Variants in ITPRID1 observed in about 807,000 individuals in gnomAD.
The protein encoded by ITPRID1 is protein ITPRID1.
A neutral mutation model predicts 95.4 loss-of-function variants in ITPRID1; 96 were observed. That is an observed-to-expected ratio of 1.01 (90% confidence interval 0.85 to 1.19). The LOEUF is 1.19. Ranked by LOEUF, ITPRID1 falls within the 50% of genes most tolerant of loss-of-function variation. The probability of loss-of-function intolerance (pLI) is 0.00; values close to 1 mark genes in which losing one functional copy is unlikely to be tolerated. For synonymous variants in ITPRID1, 510 were observed against 453.6 expected (o/e 1.12, Z -1.58); for missense variants, 1,339 against 1,252.9 (o/e 1.07, Z -1.04).
Position 31,643,195 on chromosome 7 carries a change from T to G in ITPRID1, c.1825T>G (p.Phe609Val), listed in dbSNP as rs1177550151. 4 of 1,613,720 alleles carry G rather than the reference T, an allele frequency of 2.5e-6. No individual in the cohort carries two copies. The East Asian group carries it at 8.9e-5, about 36-fold the overall frequency. The part of the protein sequence containing the change: ...SPGNDHTQDK[F>V]LHVDSEAPRE... ...TGGAAATGATCATACTCAAGACAAG[T>G]TCCTTCATGTTGACTCTGAGGCCCC... The change falls in exon 12 of 15, where the codon TTC (phenylalanine) becomes GTC (valine). Residue 609 changes from phenylalanine (F) to valine (V), a missense_variant. Coordinates refer to ENST00000615280, the MANE Select transcript of ITPRID1 (RefSeq NM_001257967.3).
intron 10 of ITPRID1, among the ~76,000 whole-genome samples, chr7:31,625,863 TTAAAA>T (rs1486557420): frequency 3.9e-5 from 6 of 152,220 alleles, no homozygotes; most frequent in African/African-American, 9.6e-5. Context: ...TTATAAATGC[TTAAAA>T]TAAAGTGATC....
intron 10 of ITPRID1, among the ~76,000 whole-genome samples, chr7:31,595,700 A>G (rs903318724): frequency 6.6e-6 from 1 of 152,156 alleles, no homozygotes; most frequent in Non-Finnish European, 1.5e-5. Context: ...TTGCCTAAAG[A>G]GGTCATCATT....
chr7:31,550,588 G>A (rs904260272), intron 2 of ITPRID1, among the ~76,000 whole-genome samples: 1 of 152,142 alleles, frequency 6.6e-6, no homozygotes, highest in African/African-American at 2.4e-5. Context: ...GGCCATTCAA[G>A]CTTTAGAAAA....
At chr7:31,602,657 C>T (rs572962344) in intron 10 of ITPRID1, among the ~76,000 whole-genome samples, 49 of 152,198 alleles carry the variant, frequency 3.2e-4, no homozygotes, top group African/African-American at 1.2e-3. Flanking sequence ...GGGTAGTCGC[C>T]ATCGGGGTGA....
chr7:31,578,819 TCTC>T (rs1785292953), intron 9 of ITPRID1, among the ~76,000 whole-genome samples: 2 of 152,178 alleles, frequency 1.3e-5, no homozygotes, highest in Non-Finnish European at 2.9e-5. Context: ...CTTAACCACT[TCTC>T]CTCTGTGTTC....
chr7:31,514,761 A>T lies in ITPRID1; in HGVS notation c.-98+641A>T, dbSNP rs113157661. 4.6e-5 allele frequency among the ~76,000 whole-genome samples: 7 copies of T among 152,302 alleles called. 1 individual carries two copies. The highest frequency in any genetic ancestry group is 1.7e-4 in the African/African-American group (7 of 41,562). On this transcript the variant is annotated intron_variant, in intron 1 of 14. Transcript: ENST00000615280. The stretch of plus-strand genomic sequence containing the variant: ...AATGAATAAGATGTGTTAAATACTA[A>T]TGAAATTGAATGTTCCAACCAGACT...
downstream of ITPRID1, chr7:31,658,484 G>A (rs1379699948): frequency 8.7e-7 from 1 of 1,155,516 alleles, no homozygotes; most frequent in East Asian, 2.7e-5. Context: ...GAGTATCAAA[G>A]TGGTGCCCCT....
intron 10 of ITPRID1, among the ~76,000 whole-genome samples, chr7:31,615,099 T>G (rs955196554): frequency 6.6e-6 from 1 of 152,210 alleles, no homozygotes; most frequent in Non-Finnish European, 1.5e-5. Context: ...GTATAGAAAT[T>G]AGCAAAATTC....
At chr7:31,617,161 CTTTCA>C (rs1787324679) in intron 10 of ITPRID1, among the ~76,000 whole-genome samples, 1 of 152,146 alleles carries the variant, frequency 6.6e-6, no homozygotes, top group South Asian at 2.1e-4. Flanking sequence ...CATTTGCCAT[CTTTCA>C]GGAAGAAAAG....
intron 10 of ITPRID1, among the ~76,000 whole-genome samples, chr7:31,621,553 T>C (rs561673322): frequency 6.8e-6 from 1 of 147,028 alleles, no homozygotes; most frequent in African/African-American, 2.5e-5. Context: ...GACAAGCAAA[T>C]GCTGAGAGAT....
At chr7:31,558,895 A>G (rs1467233200) in intron 5 of ITPRID1, among the ~76,000 whole-genome samples, 1 of 152,194 alleles carries the variant, frequency 6.6e-6, no homozygotes, top group African/African-American at 2.4e-5. Flanking sequence ...TAAGGTTTTA[A>G]TGCCACTAAA....
At chr7:31,630,779 A>C (rs1458231322) in intron 10 of ITPRID1, among the ~76,000 whole-genome samples, 1 of 150,958 alleles carries the variant, frequency 6.6e-6, no homozygotes, top group Admixed American at 6.6e-5. Context: ...AAAATAAAGA[A>C]TCAAAGAGAT....
intron 10 of ITPRID1, among the ~76,000 whole-genome samples, chr7:31,607,502 A>G (rs772366963): frequency 4.6e-5 from 7 of 151,956 alleles, no homozygotes; most frequent in Non-Finnish European, 8.8e-5. Flanking sequence ...GCCTTGCTCC[A>G]TTGTCTTCTT....
At chr7:31,544,565 CT>C (rs1211590730) in intron 1 of ITPRID1, among the ~76,000 whole-genome samples, 2 of 152,130 alleles carry the variant, frequency 1.3e-5, no homozygotes, top group South Asian at 2.1e-4. Context: ...TTATACCCCC[CT>C]CAAATAAACA....
chr7:31,548,968 G>T (rs1784192145), intron 1 of ITPRID1, among the ~76,000 whole-genome samples: 2 of 152,096 alleles, frequency 1.3e-5, no homozygotes, highest in South Asian at 2.1e-4. Flanking sequence ...GGGGAACAAG[G>T]CAAGCCTGGA....
rs1411691927 is a variant in ITPRID1, at chr7:31,651,233, A to G, written c.2675A>G (p.Gln892Arg). ...ATTGAACAGCACCTTATGGGACAGCAGGCCCTCTTTTCCAGGGACATGTCA... is the reference window on the plus strand; with the variant it reads ...ATTGAACAGCACCTTATGGGACAGCGGGCCCTCTTTTCCAGGGACATGTCA... ...EEIEQHLMGQ[Q>R]ALFSRDMSEE... is the part of the protein sequence containing the mutation. Residue 892 changes from glutamine to arginine, a missense_variant, in exon 13 of 15, where the codon CAG (glutamine) becomes CGG (arginine). Physicochemically the swap from Gln to Arg is conservative, Grantham distance 43. Transcript: ENST00000615280. The G allele has an allele frequency of 6.2e-7, 1 of 1,613,472 alleles. No individual in the cohort carries two copies. Among genetic ancestry groups the G allele is most frequent in the African/African-American group, 1.3e-5 (1 of 74,900 alleles).
intron 11 of ITPRID1, 106 bp downstream of exon 11, chr7:31,642,364 G>A: frequency 2.5e-6 from 2 of 787,122 alleles, no homozygotes; most frequent in Non-Finnish European, 4.0e-6. Context: ...CTCAGAAAGA[G>A]GGGTGTTTTA....
rs201005039 is a variant in ITPRID1 at position 31,652,713 on chromosome 7, C to T, written c.3019C>T (p.Pro1007Ser). ...GGTQLAAFTP[P>S]TLENSTRMSP... is the part of the protein sequence containing the mutation. ...GACCCAGTTGGCTGCCTTCACTCCA[C>T]CCACCTTGGAGAACAGCACCAGGAT... The change falls in exon 15 of 15, where the codon CCC (proline) becomes TCC (serine). Residue 1007 changes from proline to serine, a missense_variant. Coordinates refer to ENST00000615280, the MANE Select transcript of ITPRID1 (RefSeq NM_001257967.3). The T allele has an allele frequency of 4.3e-6, 7 of 1,613,956 alleles. No individual in the cohort carries two copies. The highest frequency in any genetic ancestry group is 1.7e-5 in the Admixed American group (1 of 60,008).
At chr7:31,640,751 A>G (rs547120237) in intron 10 of ITPRID1, among the ~76,000 whole-genome samples, 1 of 152,120 alleles carries the variant, frequency 6.6e-6, no homozygotes, top group South Asian at 2.1e-4. Context: ...TCTCATTTAG[A>G]TCTATGACTT....
Sources: allele counts gnomAD v4.1 joint callset (sites outside exome capture counted in the v4.1 genomes callset), GRCh38; gene constraint gnomAD v4.1.1; transcripts MANE v1.5; gene names NCBI Gene and HGNC (gene_info 2026-07-23, HGNC 2026-07-21).